TMEM233: variants seen among roughly 807,000 people sequenced by gnomAD.
TMEM233 encodes the protein transmembrane protein 233, also known as dispanin subfamily B member 2.
TMEM233 carries 6 observed loss-of-function variants against 11.2 expected under a neutral mutation model. The observed-to-expected ratio is 0.54, with a 90% CI of 0.29 to 1.06. TMEM233 has a LOEUF of 1.06. TMEM233 is among the 50% of genes least tolerant of loss of function. TMEM233 has a pLI of 0.08. For missense variants in TMEM233, 127 were observed against 144.7 expected (o/e 0.88, Z 0.63); for synonymous variants, 59 against 55.8 (o/e 1.06, Z -0.26).
chr12:119,613,483 C>G (rs113359394), intron 1 of TMEM233, among the ~76,000 whole-genome samples: 1 of 152,182 alleles, frequency 6.6e-6, no homozygotes, highest in Non-Finnish European at 1.5e-5. Context: ...GGAGCTGAGT[C>G]AGAACCCACT....
rs575616098 is a variant in TMEM233 at position 119,619,330 on chromosome 12, T to C, written c.187-10406T>C. Among the ~76,000 whole-genome samples, 49 of 152,222 alleles carry C rather than the reference T, an allele frequency of 3.2e-4. 1 individual carries two copies. The highest frequency in any genetic ancestry group is 3.4e-3 in the Middle Eastern group (1 of 294). On this transcript the variant is annotated intron_variant, in intron 1 of 2. Transcript: ENST00000426426. Reference sequence around the variant, plus strand: ...ACGAATACAATGGGACAAAATTCCATAGAAGCATACACATATGAAAAAAGA... The same window carrying C: ...ACGAATACAATGGGACAAAATTCCACAGAAGCATACACATATGAAAAAAGA...
At chr12:119,609,835 A>G (rs1954359370) in intron 1 of TMEM233, among the ~76,000 whole-genome samples, 2 of 152,192 alleles carry the variant, frequency 1.3e-5, no homozygotes, top group South Asian at 4.1e-4. Flanking sequence ...CCTCATGAAG[A>G]ACCTCTGCTA....
Position 119,640,733 on chromosome 12 carries a change from G to C in TMEM233, c.*28G>C. 1.3e-6 allele frequency: 2 copies of C among 1,550,800 alleles called. No individual in the cohort carries two copies. The highest frequency in any genetic ancestry group is 1.7e-6 in the Non-Finnish European group (2 of 1,146,920). ...AACCAGCGGTCAGTGGGCTGTGAGC[G>C]TGGAGGATGGACCTCATCCACACAC... On this transcript the variant is annotated 3_prime_UTR_variant, in exon 3 of 3. Coordinates refer to ENST00000426426, the MANE Select transcript of TMEM233 (RefSeq NM_001136534.3).
chr12:119,643,798 A>G (rs1955116046), downstream of TMEM233, among the ~76,000 whole-genome samples: 1 of 152,074 alleles, frequency 6.6e-6, no homozygotes, highest in Non-Finnish European at 1.5e-5. Context: ...TTATCAACCA[A>G]GAGACTCCTT....
chr12:119,629,064 C>T (rs1435477542), intron 1 of TMEM233, among the ~76,000 whole-genome samples: 3 of 152,336 alleles, frequency 2.0e-5, no homozygotes, highest in East Asian at 3.9e-4. Flanking sequence ...GCTACAAATA[C>T]TTATCCAGCA....
chr12:119,647,194 C>A (rs1482909024), downstream of TMEM233, among the ~76,000 whole-genome samples: 2 of 152,132 alleles, frequency 1.3e-5, no homozygotes, highest in African/African-American at 2.4e-5. Flanking sequence ...CCATACCCAG[C>A]CTTTAAAATC....
Position 119,640,853 on chromosome 12 carries a change from C to CAAAA in TMEM233, c.*150_*151insAAAA. The CAAAA allele has an allele frequency of 1.6e-5, 7 of 435,164 alleles. No homozygotes were observed. Among genetic ancestry groups the CAAAA allele is most frequent in the South Asian group, 2.7e-4 (2 of 7,478 alleles). 27.0% of individuals were successfully genotyped at this position (435,164 alleles called of 1,614,324 possible). ...CAGAGGCAGGTCCCTGGCAAATGAACAAGAAAAAAAAAAAAAAAAAGTCCA... is the reference window on the plus strand; with the variant it reads ...CAGAGGCAGGTCCCTGGCAAATGAACAAAAAAGAAAAAAAAAAAAAAAAAGTCCA... On this transcript the variant is annotated 3_prime_UTR_variant, in exon 3 of 3. Coordinates refer to ENST00000426426, the MANE Select transcript of TMEM233 (RefSeq NM_001136534.3).
chr12:119,612,040 CTGGAG>C (rs1317818070), intron 1 of TMEM233, among the ~76,000 whole-genome samples: 2 of 151,772 alleles, frequency 1.3e-5, no homozygotes, highest in Non-Finnish European at 2.9e-5. Context: ...GTCACCCAGG[CTGGAG>C]TGCAGTGGTG....
chr12:119,622,255 C>A (rs1954658451), intron 1 of TMEM233, among the ~76,000 whole-genome samples: 1 of 152,098 alleles, frequency 6.6e-6, no homozygotes, highest in Non-Finnish European at 1.5e-5. Context: ...GAATCAGATG[C>A]ACCAAACTGC....
At chr12:119,600,047 C>T (rs745521562) in intron 1 of TMEM233, among the ~76,000 whole-genome samples, 31 of 152,114 alleles carry the variant, frequency 2.0e-4, no homozygotes, top group Non-Finnish European at 3.7e-4. Flanking sequence ...AGAGAGGATG[C>T]AATCCACCCA....
At position 119,626,494 on chromosome 12, in the gene TMEM233, A is replaced by AAGGAGG. The variant is rs200849432; in HGVS notation, c.187-3221_187-3216dup. 6.0e-5 allele frequency among the ~76,000 whole-genome samples: 8 copies of AAGGAGG among 133,454 alleles called. 1 individual carries two copies. In the East Asian group the frequency reaches 8.5e-4, roughly 14 times the overall value. 87.6% of individuals were successfully genotyped at this position (133,454 alleles called of 152,430 possible). A position where few individuals can be genotyped will look rare whatever the true frequency, so the allele number is the denominator to read the frequency against. On this transcript the variant is annotated intron_variant, in intron 1 of 2. Coordinates refer to ENST00000426426, the MANE Select transcript of TMEM233 (RefSeq NM_001136534.3). ...CCGGAAAAAAAAAAAAAAGAAGAAA[A>AAGGAGG]AGGAGGAGGAGGAGGAGGAGGAGGA...
the TMEM233 span, among the ~76,000 whole-genome samples, chr12:119,649,006 A>T: frequency 6.6e-6 from 1 of 152,176 alleles, no homozygotes. Flanking sequence ...TTTCAAGAAG[A>T]TAGAGACCCG....
intron 1 of TMEM233, among the ~76,000 whole-genome samples, chr12:119,629,114 C>T (rs556769084): frequency 3.3e-5 from 5 of 152,204 alleles, no homozygotes; most frequent in African/African-American, 4.8e-5. Flanking sequence ...ACTGGTATGC[C>T]GAACAAGACA....
intron 1 of TMEM233, among the ~76,000 whole-genome samples, chr12:119,596,963 A>C (rs534953901): frequency 2.0e-5 from 3 of 152,204 alleles, no homozygotes; most frequent in Non-Finnish European, 4.4e-5. Context: ...TAGATTTGGA[A>C]CCTGGAGATA....
chr12:119,596,487 CTT>C (rs34129084), intron 1 of TMEM233, among the ~76,000 whole-genome samples: 4 of 90,376 alleles, frequency 4.4e-5, no homozygotes, highest in African/African-American at 4.5e-5. Flanking sequence ...AAGTTTGTAT[CTT>C]TTTTTTTTTT....
rs1200947749 is a variant in TMEM233, at chr12:119,593,844, C to A, written c.-5C>A. On this transcript the variant is annotated 5_prime_UTR_variant, in exon 1 of 3. Coordinates refer to ENST00000426426, the MANE Select transcript of TMEM233 (RefSeq NM_001136534.3). The surrounding 1 kb of genome is among the most constrained non-coding windows in gnomAD (Gnocchi z 4.1). ...TCCGCCCTCCCGGCGCCGCCGGCCT[C>A]GCCCATGTCTCAGTACGCCCCTAGC... The A allele has an allele frequency of 1.0e-5, 16 of 1,550,664 alleles. No homozygotes were observed. The highest frequency in any genetic ancestry group is 4.9e-5 in the East Asian group (2 of 40,876).
At chr12:119,610,541 G>T (rs1406698199) in intron 1 of TMEM233, among the ~76,000 whole-genome samples, 1 of 152,132 alleles carries the variant, frequency 6.6e-6, no homozygotes, top group Admixed American at 6.5e-5. Flanking sequence ...GGAGGGACCT[G>T]GTGGGAGGTA....
intron 1 of TMEM233, among the ~76,000 whole-genome samples, chr12:119,613,040 C>T (rs145747523): frequency 0.011 from 1,598 of 151,806 alleles, 18 homozygotes; most frequent in Non-Finnish European, 0.014. Flanking sequence ...ATACATGTGC[C>T]ATGTTGGTTT....
intron 1 of TMEM233, among the ~76,000 whole-genome samples, chr12:119,612,419 A>G (rs1249069748): frequency 1.3e-5 from 2 of 152,152 alleles, no homozygotes; most frequent in African/African-American, 4.8e-5. Flanking sequence ...GTTCCAGACC[A>G]GCCTGGGCAA....
Sources: gnomAD v4.1 joint callset for allele counts (sites outside exome capture counted in the v4.1 genomes callset) on GRCh38, gnomAD v4.1.1 for gene constraint, Gnocchi (gnomAD v3.1) non-coding constraint, MANE v1.5 for transcripts, NCBI Gene and HGNC (gene_info 2026-07-23, HGNC 2026-07-21) for gene names.